The following UST variants were observed in gnomAD, a reference collection of about 807,000 sequenced individuals.
UST encodes the protein uronyl 2-sulfotransferase.
Under a neutral mutation model 45.6 loss-of-function variants are expected in UST, and 21 were observed. The observed-to-expected ratio is 0.46, with a 90% CI of 0.33 to 0.66. The LOEUF (loss-of-function observed/expected upper bound fraction) is 0.66, where lower values mean the gene tolerates loss of function less well. Ranked by LOEUF, UST falls within the 30% of genes least tolerant of loss-of-function variation. The pLI is 0.02. For synonymous variants in UST, 215 were observed against 200.6 expected (o/e 1.07, Z -0.61); for missense variants, 463 against 512.4 (o/e 0.90, Z 0.93).
chr6:149,009,186 C>T (rs537976696), intron 5 of UST, among the ~76,000 whole-genome samples: 21 of 152,050 alleles, frequency 1.4e-4, no homozygotes, highest in Admixed American at 2.0e-4. Context: ...CAAGAAAGAA[C>T]GCTTAGACAT....
At chr6:148,912,620 C>T (rs1362668944) in intron 2 of UST, among the ~76,000 whole-genome samples, 3 of 152,198 alleles carry the variant, frequency 2.0e-5, no homozygotes, top group Non-Finnish European at 2.9e-5. Context: ...GAGAAAAATC[C>T]TCCCTGGCCG....
chr6:149,041,919 A>G (rs1006728677), intron 7 of UST, among the ~76,000 whole-genome samples: 1 of 152,214 alleles, frequency 6.6e-6, no homozygotes, highest in African/African-American at 2.4e-5. Context: ...TCTAGAATAC[A>G]ATATATTGAC....
chr6:148,982,988 G>A (rs114667792), intron 5 of UST, among the ~76,000 whole-genome samples: 1 of 152,268 alleles, frequency 6.6e-6, no homozygotes, highest in African/African-American at 2.4e-5. Context: ...CTCTCTAAAT[G>A]TGATTAGAGA....
intron 7 of UST, among the ~76,000 whole-genome samples, chr6:149,037,605 G>A (rs1002901503): frequency 3.9e-5 from 6 of 152,188 alleles, no homozygotes; most frequent in Non-Finnish European, 7.3e-5. Context: ...CTGTGCCTGC[G>A]GCGGCCTGGC....
intron 1 of UST, among the ~76,000 whole-genome samples, chr6:148,854,380 G>A (rs889853692): frequency 1.3e-5 from 2 of 152,178 alleles, no homozygotes; most frequent in African/African-American, 2.4e-5. Context: ...CTTCCGGAAA[G>A]GCTATTCTGT....
intron 7 of UST, among the ~76,000 whole-genome samples, chr6:149,049,313 A>G (rs1177529227): frequency 2.0e-5 from 3 of 152,246 alleles, no homozygotes; most frequent in Non-Finnish European, 2.9e-5. Context: ...CAGTTAAATG[A>G]CATAGCTGAT....
chr6:148,904,339 A>G (rs1373699781), intron 2 of UST, among the ~76,000 whole-genome samples: 1 of 152,210 alleles, frequency 6.6e-6, no homozygotes, highest in Non-Finnish European at 1.5e-5. Context: ...TTCATGGATG[A>G]TGAATCCACA....
At chr6:149,054,540 C>G (rs1309380291) in intron 7 of UST, among the ~76,000 whole-genome samples, 1 of 152,076 alleles carries the variant, frequency 6.6e-6, no homozygotes, top group East Asian at 1.9e-4. Flanking sequence ...AATGGGAAAA[C>G]TAATGACTTT....
intron 1 of UST, among the ~76,000 whole-genome samples, chr6:148,793,593 A>G (rs1377821968): frequency 6.6e-6 from 1 of 152,202 alleles, no homozygotes; most frequent in African/African-American, 2.4e-5. Flanking sequence ...TGTTTCCACC[A>G]GCATCACCAC....
intron 2 of UST, among the ~76,000 whole-genome samples, chr6:148,910,758 C>T (rs1218816305): frequency 6.6e-6 from 1 of 152,124 alleles, no homozygotes; most frequent in African/African-American, 2.4e-5. Flanking sequence ...TAACCCATAC[C>T]TTACATGATT....
At chr6:148,830,221 C>T (rs142924847) in intron 1 of UST, among the ~76,000 whole-genome samples, 150 of 152,348 alleles carry the variant, frequency 9.8e-4, no homozygotes, top group African/African-American at 3.2e-3. Context: ...AACTGGACCA[C>T]ACCCACCAAT....
chr6:149,010,401 A>G (rs1325937715), intron 5 of UST, among the ~76,000 whole-genome samples: 2 of 152,148 alleles, frequency 1.3e-5, no homozygotes, highest in African/African-American at 2.4e-5. Context: ...TTTGAGTGAC[A>G]CTGTGTTAAC....
At chr6:148,791,966 C>T (rs1182208429) in intron 1 of UST, among the ~76,000 whole-genome samples, 1 of 152,166 alleles carries the variant, frequency 6.6e-6, no homozygotes. Flanking sequence ...GGAAACCCCA[C>T]TCTCAAATAG....
chr6:148,771,743 GAT>G (rs2114674285), intron 1 of UST, among the ~76,000 whole-genome samples: 1 of 152,292 alleles, frequency 6.6e-6, no homozygotes, highest in South Asian at 2.1e-4. Context: ...TTTATTGGAT[GAT>G]ATATGTTTAC....
intron 5 of UST, among the ~76,000 whole-genome samples, chr6:148,972,870 CT>C (rs1582936129): frequency 6.9e-6 from 1 of 144,018 alleles, no homozygotes; most frequent in East Asian, 2.1e-4. Flanking sequence ...AGGGTGCAGC[CT>C]GGGCTTTGGG....
chr6:148,925,609 T>G (rs1562302087), intron 2 of UST, among the ~76,000 whole-genome samples: 1 of 152,226 alleles, frequency 6.6e-6, no homozygotes, highest in African/African-American at 2.4e-5. Flanking sequence ...TACTAAATAT[T>G]ACTCCTCTTG....
At chr6:148,753,458 T>C (rs530328164) in intron 1 of UST, among the ~76,000 whole-genome samples, 1 of 152,250 alleles carries the variant, frequency 6.6e-6, no homozygotes. Context: ...ATAGCATGTG[T>C]CAGTACTTCA....
chr6:148,859,335 G>C (rs1231160261), intron 1 of UST, among the ~76,000 whole-genome samples: 1 of 152,158 alleles, frequency 6.6e-6, no homozygotes, highest in Non-Finnish European at 1.5e-5. Context: ...TTTTTGATGG[G>C]GTTGTTTGAT....
intron 2 of UST, among the ~76,000 whole-genome samples, chr6:148,916,037 T>C (rs4333438): frequency 0.34 from 49,217 of 144,212 alleles, 8,837 homozygotes; most frequent in South Asian, 0.56. Flanking sequence ...TAAGCTGCTT[T>C]CCTGCAGTTC....
Sources: allele counts gnomAD v4.1 joint callset (sites outside exome capture counted in the v4.1 genomes callset), GRCh38; gene constraint gnomAD v4.1.1; transcripts MANE v1.5; gene names NCBI Gene and HGNC (gene_info 2026-07-23, HGNC 2026-07-21).